Variants in NCAM2 observed in about 807,000 individuals in gnomAD.
NCAM2 encodes the protein neural cell adhesion molecule 2, also known as N-CAM-2.
A neutral mutation model predicts 98.1 loss-of-function variants in NCAM2; 30 were observed. The observed-to-expected ratio is 0.31, with a 90% CI of 0.23 to 0.41. NCAM2 has a LOEUF of 0.41. NCAM2 is among the 10% of genes least tolerant of loss of function. The pLI, the probability that NCAM2 is intolerant of heterozygous loss-of-function variation, is 1.00. For missense variants in NCAM2, 867 were observed against 1,005.8 expected (o/e 0.86, Z 1.87); for synonymous variants, 368 against 342.4 (o/e 1.07, Z -0.83).
At chr21:21,142,279 G>T (rs1004036283) in intron 1 of NCAM2, among the ~76,000 whole-genome samples, 1 of 151,770 alleles carries the variant, frequency 6.6e-6, no homozygotes, top group Non-Finnish European at 1.5e-5. Flanking sequence ...TGACTGAAAG[G>T]CACTTGGATA....
chr21:21,016,591 T>G (rs2064314197), intron 1 of NCAM2, among the ~76,000 whole-genome samples: 1 of 152,100 alleles, frequency 6.6e-6, no homozygotes, highest in African/African-American at 2.4e-5. Context: ...AAACTATGCA[T>G]TGTGCATAGT....
At chr21:21,366,504 G>GTCATAAT (rs1403333280) in intron 8 of NCAM2, among the ~76,000 whole-genome samples, 2 of 152,038 alleles carry the variant, frequency 1.3e-5, no homozygotes, top group Admixed American at 1.3e-4. Context: ...CACTTGTGCT[G>GTCATAAT]TCATAATTCT....
chr21:21,177,392 G>T (rs1318344473), intron 1 of NCAM2, among the ~76,000 whole-genome samples: 2 of 141,006 alleles, frequency 1.4e-5, no homozygotes, highest in African/African-American at 2.6e-5. Context: ...ATTTGCAGAT[G>T]TCTAGAAACA....
intron 16 of NCAM2, among the ~76,000 whole-genome samples, chr21:21,529,050 T>C (rs1989484756): frequency 6.6e-6 from 1 of 152,246 alleles, no homozygotes; most frequent in South Asian, 2.1e-4. Context: ...TTCTATAATA[T>C]GTAAAATGAA....
chr21:21,495,524 A>G (rs905424082), intron 15 of NCAM2, among the ~76,000 whole-genome samples: 2 of 152,056 alleles, frequency 1.3e-5, no homozygotes, highest in African/African-American at 4.8e-5. Context: ...CATCTTTTGG[A>G]AAATGATCAC....
chr21:21,402,889 A>G (rs1008047237), intron 9 of NCAM2, among the ~76,000 whole-genome samples: 1 of 152,172 alleles, frequency 6.6e-6, no homozygotes, highest in Non-Finnish European at 1.5e-5. Flanking sequence ...ACAGTTTTTC[A>G]TAATACATGT....
At chr21:21,148,448 C>G (rs144286767) in intron 1 of NCAM2, among the ~76,000 whole-genome samples, 80 of 152,296 alleles carry the variant, frequency 5.3e-4, no homozygotes, top group African/African-American at 1.9e-3. Context: ...ATCAAACAGC[C>G]TCTCTGGAAA....
intron 1 of NCAM2, among the ~76,000 whole-genome samples, chr21:21,210,074 T>C (rs1263048249): frequency 6.6e-6 from 1 of 152,176 alleles, no homozygotes; most frequent in Non-Finnish European, 1.5e-5. Context: ...AAATAAACAA[T>C]GGCTTTTCAT....
intron 1 of NCAM2, among the ~76,000 whole-genome samples, chr21:21,195,130 G>A (rs1405549881): frequency 1.3e-5 from 2 of 152,116 alleles, no homozygotes; most frequent in East Asian, 3.9e-4. Context: ...TATAGGAATG[G>A]AGAACAGAAA....
intron 8 of NCAM2, among the ~76,000 whole-genome samples, chr21:21,348,362 A>G (rs1388320487): frequency 1.3e-5 from 2 of 152,146 alleles, no homozygotes; most frequent in Admixed American, 1.3e-4. Flanking sequence ...ATAGCTGCAC[A>G]TGAAATTAAA....
At chr21:21,415,091 A>G (rs2076962908) in intron 10 of NCAM2, among the ~76,000 whole-genome samples, 1 of 151,948 alleles carries the variant, frequency 6.6e-6, no homozygotes, top group Admixed American at 6.6e-5. Context: ...CATAATTCTT[A>G]AAGACCCTAG....
At chr21:21,170,326 A>T (rs2068082531) in intron 1 of NCAM2, among the ~76,000 whole-genome samples, 1 of 152,230 alleles carries the variant, frequency 6.6e-6, no homozygotes, top group Non-Finnish European at 1.5e-5. Context: ...GACTTTATTT[A>T]GGATGTCCTG....
chr21:21,334,257 T>TA (rs1381941992), intron 6 of NCAM2, among the ~76,000 whole-genome samples: 10 of 152,126 alleles, frequency 6.6e-5, no homozygotes, highest in Non-Finnish European at 1.3e-4. Context: ...TTATGAATCC[T>TA]AATTTTGCAA....
At chr21:21,152,821 C>A (rs2067485821) in intron 1 of NCAM2, among the ~76,000 whole-genome samples, 1 of 151,982 alleles carries the variant, frequency 6.6e-6, no homozygotes, top group Non-Finnish European at 1.5e-5. Context: ...ACTACAGACT[C>A]AATGGGACAC....
chr21:21,196,580 G>T (rs187419377), intron 1 of NCAM2, among the ~76,000 whole-genome samples: 36 of 152,284 alleles, frequency 2.4e-4, no homozygotes, highest in African/African-American at 7.2e-4. Flanking sequence ...AGGCCCTAGG[G>T]TCACAAGATC....
intron 15 of NCAM2, among the ~76,000 whole-genome samples, chr21:21,489,709 C>T (rs968058021): frequency 1.4e-4 from 22 of 151,998 alleles, no homozygotes; most frequent in African/African-American, 3.6e-4. Flanking sequence ...AAATTGGTGA[C>T]GAGGCATTTC....
At chr21:21,278,153 A>C (rs1169659635) in intron 1 of NCAM2, among the ~76,000 whole-genome samples, 1 of 151,884 alleles carries the variant, frequency 6.6e-6, no homozygotes, top group Non-Finnish European at 1.5e-5. Flanking sequence ...ACATAATTAT[A>C]ATTTCCCCTC....
chr21:21,366,919 A>G (rs922629631), intron 8 of NCAM2, among the ~76,000 whole-genome samples: 6 of 152,022 alleles, frequency 3.9e-5, no homozygotes, highest in African/African-American at 7.2e-5. Flanking sequence ...TAGTTGATCC[A>G]TATGATGTAT....
intron 1 of NCAM2, among the ~76,000 whole-genome samples, chr21:21,180,021 T>G (rs1272097202): frequency 6.6e-6 from 1 of 152,204 alleles, no homozygotes; most frequent in Non-Finnish European, 1.5e-5. Context: ...TGCCTGACTG[T>G]TGGTGCCACT....
Sources: gnomAD v4.1 joint callset for allele counts (sites outside exome capture counted in the v4.1 genomes callset) on GRCh38, gnomAD v4.1.1 for gene constraint, MANE v1.5 for transcripts, NCBI Gene and HGNC (gene_info 2026-07-23, HGNC 2026-07-21) for gene names.